The following ATXN10 variants were observed in gnomAD, a reference collection of about 807,000 sequenced individuals.
The protein encoded by ATXN10 is ataxin 10.
ATXN10 carries 28 observed loss-of-function variants against 52.9 expected under a neutral mutation model. The ratio of observed to expected loss-of-function variants is 0.53; its 90% CI spans 0.39 to 0.73. The LOEUF (loss-of-function observed/expected upper bound fraction) is 0.73, where lower values mean the gene tolerates loss of function less well. ATXN10 is among the 30% of genes least tolerant of loss of function. The pLI is 0.00. For missense variants in ATXN10, 565 were observed against 577.0 expected, an observed-to-expected ratio of 0.98 and a Z score of 0.21; for synonymous variants, 226 against 221.5, an observed-to-expected ratio of 1.02 and a Z score of -0.18.
chr22:45,734,360 T>C (rs1925205398), intron 7 of ATXN10: 1 of 266,020 alleles, frequency 3.8e-6, no homozygotes, highest in South Asian at 3.5e-5. Context: ...TTAAAATGCA[T>C]TTATTAAAAA....
At chr22:45,768,558 TCTAA>T (rs1302677856) in intron 9 of ATXN10, among the ~76,000 whole-genome samples, 2 of 152,274 alleles carry the variant, frequency 1.3e-5, no homozygotes, top group Admixed American at 6.5e-5. Flanking sequence ...AACCTCTAGA[TCTAA>T]CTGTCAGTTT....
chr22:45,813,363 G>T (rs1280679760), intron 10 of ATXN10, among the ~76,000 whole-genome samples: 1 of 150,358 alleles, frequency 6.7e-6, no homozygotes, highest in Admixed American at 6.6e-5. Flanking sequence ...TTTTTACTGG[G>T]GGGAGGGTGT....
At position 45,844,899 on chromosome 22, in the gene ATXN10, C is replaced by T. The variant is rs1316307258; in HGVS notation, c.*1228C>T. ...TAGTTTAACTGATTTGTAAAAATAG[C>T]TTAAGCATGTTGAGAATGAAGTAAA... On this transcript the variant is annotated 3_prime_UTR_variant, in exon 12 of 12. Coordinates refer to ENST00000252934, the MANE Select transcript of ATXN10 (RefSeq NM_013236.4). The T allele has an allele frequency of 6.6e-6, 1 of 152,200 alleles. No homozygotes were observed. Among genetic ancestry groups the T allele is most frequent in the East Asian group, 1.9e-4 (1 of 5,200 alleles). The allele number at this position is 152,200 out of a possible 1,614,324, so 9.4% of individuals were successfully genotyped here. A position where few individuals can be genotyped will look rare whatever the true frequency, so the allele number is the denominator to read the frequency against.
At position 45,690,991 on chromosome 22, in the gene ATXN10, G is replaced by A. The variant is rs1028457281; in HGVS notation, c.308+1088G>A. 1.6e-4 allele frequency among the ~76,000 whole-genome samples: 25 copies of A among 152,248 alleles called. No homozygotes were observed. The highest frequency in any genetic ancestry group is 5.9e-4 in the Admixed American group (9 of 15,302). On this transcript the variant is annotated intron_variant, in intron 2 of 11. Coordinates refer to ENST00000252934, the MANE Select transcript of ATXN10 (RefSeq NM_013236.4). The surrounding 1 kb of genome is among the most constrained non-coding windows in gnomAD (Gnocchi z 4.5). ...AGAAGCCACTTGAGGGACTCCCTTC[G>A]GTTAGACACATATACCCGAGGCTTT...
At chr22:45,838,465 C>G (rs943136946) in intron 10 of ATXN10, among the ~76,000 whole-genome samples, 1 of 152,190 alleles carries the variant, frequency 6.6e-6, no homozygotes, top group Non-Finnish European at 1.5e-5. Context: ...CAGGCTCATG[C>G]CTTCTATTTG....
At position 45,738,750 on chromosome 22, in the gene ATXN10, G is replaced by A. The variant is rs368023116; in HGVS notation, c.914G>A (p.Arg305Lys). 1.2e-6 allele frequency: 2 copies of A among 1,614,004 alleles called. No individual in the cohort carries two copies. The highest frequency in any genetic ancestry group is 1.7e-6 in the Non-Finnish European group (2 of 1,179,970). The part of the protein sequence containing the change: ...PDDEEALATI[R>K]LLDVLCEMTV... ...TTCTAGGAGGCACTGGCTACAATTA[G>A]GCTTCTCGACGTCCTGTGCGAAATG... The change falls in exon 8 of 12, where the codon AGG (arginine) becomes AAG (lysine). Residue 305 changes from arginine (R) to lysine (K), a missense_variant. Transcript: ENST00000252934.
rs180818413 is a variant in ATXN10 at position 45,766,530 on chromosome 22, T to C, written c.1173+25992T>C. 3.3e-5 allele frequency among the ~76,000 whole-genome samples: 5 copies of C among 152,218 alleles called. No homozygotes were observed. In the East Asian group the frequency reaches 7.7e-4, roughly 24 times the overall value. On this transcript the variant is annotated intron_variant, in intron 9 of 11. Transcript: ENST00000252934. This position sits in a 1 kb window ranked among gnomAD's most constrained non-coding sequence, Gnocchi z 4.6. ...AAAACTGGATACATCCCTTATAACATAGACATCAGTTTGAATAAACTGTAA... is the reference window on the plus strand; with the variant it reads ...AAAACTGGATACATCCCTTATAACACAGACATCAGTTTGAATAAACTGTAA...
rs1927438263 is a variant in ATXN10, at chr22:45,789,615, C to G, written c.1174-17344C>G. 6.6e-6 allele frequency among the ~76,000 whole-genome samples: 1 copy of G among 152,186 alleles called. No homozygotes were observed. Among genetic ancestry groups the G allele is most frequent in the African/African-American group, 2.4e-5 (1 of 41,440 alleles). ...GTTAGGGGTTAGTATGTTAATACAG[C>G]TCTCTCCACGACAAGAAGAAGAGAG... On this transcript the variant is annotated intron_variant, in intron 9 of 11. Transcript: ENST00000252934. The surrounding 1 kb of genome is among the most constrained non-coding windows in gnomAD (Gnocchi z 4.0).
chr22:45,801,197 G>A (rs1927920434), intron 9 of ATXN10, among the ~76,000 whole-genome samples: 1 of 152,162 alleles, frequency 6.6e-6, no homozygotes, highest in African/African-American at 2.4e-5. Flanking sequence ...GTCACCTGGA[G>A]AGTTTGTCTA....
chr22:45,705,944 C>G lies in ATXN10; in HGVS notation c.647+3097C>G, dbSNP rs573424416. ...AAGCATTCCTGCCTGAGCGCCACTT[C>G]TTGTCAGATCATCAGCCACATTCGA... On this transcript the variant is annotated intron_variant, in intron 5 of 11. Coordinates refer to ENST00000252934, the MANE Select transcript of ATXN10 (RefSeq NM_013236.4). The surrounding 1 kb of genome is among the most constrained non-coding windows in gnomAD (Gnocchi z 5.2). Among the ~76,000 whole-genome samples the G allele has an allele frequency of 5.3e-5, 8 of 152,308 alleles. No individual in the cohort carries two copies. In the East Asian group the frequency reaches 1.5e-3, roughly 29 times the overall value.
intron 10 of ATXN10, among the ~76,000 whole-genome samples, chr22:45,821,013 G>A (rs867207641): frequency 3.3e-5 from 5 of 152,130 alleles, no homozygotes; most frequent in African/African-American, 7.2e-5. Context: ...TCTTGCCTTC[G>A]TCTTTGGAAA....
chr22:45,773,192 C>G (rs1008706708), intron 9 of ATXN10, among the ~76,000 whole-genome samples: 1 of 152,114 alleles, frequency 6.6e-6, no homozygotes, highest in Non-Finnish European at 1.5e-5. Flanking sequence ...GACCTTGTGT[C>G]GTATGGGCTT....
chr22:45,793,559 T>A, intron 9 of ATXN10: 1 of 1,280,258 alleles, frequency 7.8e-7, no homozygotes. Flanking sequence ...TCAATCTTTC[T>A]GTGACAAATG....
intron 5 of ATXN10, among the ~76,000 whole-genome samples, chr22:45,713,944 T>C (rs904459612): frequency 1.2e-4 from 18 of 152,242 alleles, no homozygotes; most frequent in Non-Finnish European, 1.5e-5. Context: ...GCTACTGCCA[T>C]GAATAGCCTT....
intron 10 of ATXN10, among the ~76,000 whole-genome samples, chr22:45,838,335 G>T (rs919145003): frequency 6.6e-6 from 1 of 152,182 alleles, no homozygotes; most frequent in African/African-American, 2.4e-5. Flanking sequence ...CTTTACTGAC[G>T]CTGTGGTCTT....
At chr22:45,685,570 C>T (rs1214732203) in intron 1 of ATXN10, among the ~76,000 whole-genome samples, 2 of 152,160 alleles carry the variant, frequency 1.3e-5, no homozygotes, top group Non-Finnish European at 2.9e-5. Flanking sequence ...AATCATTACA[C>T]ATATTTAGCT....
At position 45,754,739 on chromosome 22, in the gene ATXN10, C is replaced by T. The variant is rs1334941116; in HGVS notation, c.1173+14201C>T. Among the ~76,000 whole-genome samples, 1 of 152,210 alleles carries T rather than the reference C, an allele frequency of 6.6e-6. No individual in the cohort carries two copies. The highest frequency in any genetic ancestry group is 1.5e-5 in the Non-Finnish European group (1 of 68,040). On this transcript the variant is annotated intron_variant, in intron 9 of 11. Coordinates refer to ENST00000252934, the MANE Select transcript of ATXN10 (RefSeq NM_013236.4). The surrounding 1 kb of genome is among the most constrained non-coding windows in gnomAD (Gnocchi z 5.4). ...ATATGGTGGCTCATGCCTGTAGTCC[C>T]AGCTACTTGGGAGGCTGAGGCAGGA...
chr22:45,713,121 C>T (rs886374636), intron 5 of ATXN10, among the ~76,000 whole-genome samples: 4 of 152,094 alleles, frequency 2.6e-5, no homozygotes, highest in African/African-American at 9.7e-5. Flanking sequence ...GTCTTTAGGA[C>T]TGTCTCTGTT....
rs1378819166 is a variant in ATXN10, at chr22:45,750,741, A to G, written c.1173+10203A>G. On this transcript the variant is annotated intron_variant, in intron 9 of 11. Coordinates refer to ENST00000252934, the MANE Select transcript of ATXN10 (RefSeq NM_013236.4). This position sits in a 1 kb window ranked among gnomAD's most constrained non-coding sequence, Gnocchi z 4.2. ...AGTTTATAGGTTAGTGGAGGCAGACATAGTTTCCAAACAGACCCAGGAGAA... is the reference window on the plus strand; with the variant it reads ...AGTTTATAGGTTAGTGGAGGCAGACGTAGTTTCCAAACAGACCCAGGAGAA... 1.3e-5 allele frequency among the ~76,000 whole-genome samples: 2 copies of G among 152,334 alleles called. No individual in the cohort carries two copies. The highest frequency in any genetic ancestry group is 3.9e-4 in the East Asian group (2 of 5,186).
Sources: allele counts gnomAD v4.1 joint callset (sites outside exome capture counted in the v4.1 genomes callset), GRCh38; gene constraint gnomAD v4.1.1; non-coding constraint Gnocchi (gnomAD v3.1); transcripts MANE v1.5; gene names NCBI Gene and HGNC (gene_info 2026-07-23, HGNC 2026-07-21).